PRCD: variants seen among roughly 807,000 people sequenced by gnomAD.
PRCD encodes the protein photoreceptor disc component, also known as photoreceptor disk component PRCD.
Under a neutral mutation model 10.1 loss-of-function variants are expected in PRCD, and 12 were observed. The ratio of observed to expected loss-of-function variants is 1.18; its 90% CI spans 0.76 to 1.92. The LOEUF (loss-of-function observed/expected upper bound fraction) is 1.92, where lower values mean the gene tolerates loss of function less well. Among genes scored for constraint, PRCD ranks in the 40% most tolerant of loss-of-function variants. The pLI, the probability that PRCD is intolerant of heterozygous loss-of-function variation, is 0.00. For missense variants in PRCD, 61 were observed against 72.2 expected, an observed-to-expected ratio of 0.84 and a Z score of 0.56; for synonymous variants, 31 against 26.2, an observed-to-expected ratio of 1.18 and a Z score of -0.56.
chr17:76,547,791 TAC>T (rs906318863), downstream of PRCD, among the ~76,000 whole-genome samples: 8 of 142,576 alleles, frequency 5.6e-5, no homozygotes, highest in African/African-American at 8.0e-5. Context: ...CACACAGACA[TAC>T]ACACATTCAC....
upstream of PRCD, among the ~76,000 whole-genome samples, chr17:76,535,777 C>G (rs2074907158): frequency 6.6e-6 from 1 of 152,242 alleles, no homozygotes; most frequent in Admixed American, 6.5e-5. Flanking sequence ...TCTGCCCTAC[C>G]CTGGTCCCCT....
In PRCD at chr17:76,530,456, T is replaced by C. The variant is rs1345269844; in HGVS notation, n.45+2623T>C. Among the ~76,000 whole-genome samples, 1 of 152,208 alleles carries C rather than the reference T, an allele frequency of 6.6e-6. No homozygotes were observed. ...CGTGTGCGTGTGAGCGACACCCATG[T>C]AGCTTCCTCGTGGGCTGGGGTGTGT... is the stretch of plus-strand genomic sequence containing the variant. On this transcript the variant is annotated intron_variant and non_coding_transcript_variant, in intron 1 of 4. Coordinates refer to the PRCD transcript ENST00000397633. This position sits in a 1 kb window ranked among gnomAD's most constrained non-coding sequence, Gnocchi z 6.1.
Position 76,531,550 on chromosome 17 carries a change from G to T in PRCD, n.45+3717G>T. The T allele has an allele frequency of 2.5e-6, 4 of 1,614,164 alleles. No individual in the cohort carries two copies. The highest frequency in any genetic ancestry group is 3.4e-6 in the Non-Finnish European group (4 of 1,179,986). Reference sequence around the variant, plus strand: ...AGGACACCTTGTCGGGGTCATGCAGGTTCTCCACGACAGTGTTGAGGGCCC... The same window carrying T: ...AGGACACCTTGTCGGGGTCATGCAGTTTCTCCACGACAGTGTTGAGGGCCC... On this transcript the variant is annotated intron_variant and non_coding_transcript_variant, in intron 1 of 4. Transcript: ENST00000397633. The surrounding 1 kb of genome is among the most constrained non-coding windows in gnomAD (Gnocchi z 7.4).
chr17:76,538,156 G>A (rs888096691), upstream of PRCD: 6 of 159,482 alleles, frequency 3.8e-5, no homozygotes, highest in Admixed American at 6.5e-5. Context: ...GAGCTTTCGC[G>A]GCGAGGCCGA....
chr17:76,527,615 A>G (rs2074782823), upstream of PRCD: 2 of 452,936 alleles, frequency 4.4e-6, no homozygotes, highest in South Asian at 3.1e-5. Context: ...GGCCAGGAGG[A>G]GGGTGGGGTG....
At chr17:76,542,657 G>C in intron 3 of PRCD, 24 bp downstream of exon 3, 2 of 1,471,480 alleles carry the variant, frequency 1.4e-6, no homozygotes, top group Non-Finnish European at 1.9e-6. Flanking sequence ...GGGAGCCGGG[G>C]AGGGCAGAGG....
Position 76,528,073 on chromosome 17 carries a change from C to G in PRCD, n.45+240C>G. On this transcript the variant is annotated intron_variant and non_coding_transcript_variant, in intron 1 of 4. Coordinates refer to the PRCD transcript ENST00000397633. The surrounding 1 kb of genome is among the most constrained non-coding windows in gnomAD (Gnocchi z 5.8). ...CTGCCCCACTCACAGGTGGGCCAAACCGAGGCTTCTGGGCGCCGCGGATAC... is the reference window on the plus strand; with the variant it reads ...CTGCCCCACTCACAGGTGGGCCAAAGCGAGGCTTCTGGGCGCCGCGGATAC... 2.7e-6 allele frequency: 1 copy of G among 364,096 alleles called. No homozygotes were observed. The highest frequency in any genetic ancestry group is 5.1e-6 in the Non-Finnish European group (1 of 194,248). 22.6% of individuals were successfully genotyped at this position (364,096 alleles called of 1,614,324 possible).
At position 76,530,137 on chromosome 17, in the gene PRCD, C is replaced by A; in HGVS notation, n.45+2304C>A. 1 of 971,532 alleles carries A rather than the reference C, an allele frequency of 1.0e-6. No individual in the cohort carries two copies. The allele number at this position is 971,532 out of a possible 1,614,324, so 60.2% of individuals were successfully genotyped here. A position where few individuals can be genotyped will look rare whatever the true frequency, so the allele number is the denominator to read the frequency against. On this transcript the variant is annotated intron_variant and non_coding_transcript_variant, in intron 1 of 4. Coordinates refer to the PRCD transcript ENST00000397633. The surrounding 1 kb of genome is among the most constrained non-coding windows in gnomAD (Gnocchi z 6.1). ...CTCTACCACGGGAATGTTTCTCTAC[C>A]ACGCGTGTCCCGGGCTGCTGGCTGA...
At chr17:76,547,959 CACATACACATAA>C (rs937651791), downstream of PRCD, among the ~76,000 whole-genome samples, 17 of 151,682 alleles carry the variant, frequency 1.1e-4, no homozygotes, top group Non-Finnish European at 1.6e-4. Flanking sequence ...CATATACACA[CACATACACATAA>C]ACATACACAT....
chr17:76,529,686 G>C (rs1240230728), intron 1 of PRCD: 1 of 985,308 alleles, frequency 1.0e-6, no homozygotes, highest in Non-Finnish European at 1.2e-6. Flanking sequence ...CTCTTCCCCT[G>C]TCTTTTCCCT....
chr17:76,533,960 G>A lies in PRCD; in HGVS notation n.45+6127G>A, dbSNP rs564578656. 4.1e-4 allele frequency among the ~76,000 whole-genome samples: 63 copies of A among 151,960 alleles called. 2 individuals carry two copies. In the South Asian group the frequency reaches 6.9e-3, roughly 17 times the overall value. On this transcript the variant is annotated intron_variant and non_coding_transcript_variant, in intron 1 of 4. Transcript: ENST00000397633. This position sits in a 1 kb window ranked among gnomAD's most constrained non-coding sequence, Gnocchi z 4.5. ...GCAGGAAGATCCGATCGCATCACGA[G>A]CCCAGGATTGGAGGCTGCCATGAGC...
downstream of PRCD, among the ~76,000 whole-genome samples, chr17:76,549,512 C>T (rs2075087192): frequency 6.6e-6 from 1 of 152,196 alleles, no homozygotes; most frequent in Non-Finnish European, 1.5e-5. Context: ...CCCTGTCATA[C>T]ACGGCTGGGG....
At chr17:76,534,174 C>CTCTCTCTCTCTT (rs1567907867) in intron 1 of PRCD, among the ~76,000 whole-genome samples, 2 of 106,108 alleles carry the variant, frequency 1.9e-5, no homozygotes, top group South Asian at 2.5e-4. Context: ...CTCTCTCTCT[C>CTCTCTCTCTCTT]TCTTTCTTTC....
upstream of PRCD, chr17:76,538,604 A>T: frequency 2.4e-6 from 1 of 416,682 alleles, no homozygotes; most frequent in African/African-American, 2.1e-5. Context: ...GCAGACAAAA[A>T]GTCTTGAGGA....
chr17:76,546,763 C>T (rs183195209), downstream of PRCD: 1 of 152,362 alleles, frequency 6.6e-6, no homozygotes, highest in East Asian at 1.9e-4. The surrounding 1 kb of genome is among the most constrained non-coding windows in gnomAD (Gnocchi z 4.5). Context: ...CACTAACATG[C>T]ATTGGGCGCT....
chr17:76,527,869 A>T (rs752150225), intron 1 of PRCD: 41 of 444,540 alleles, frequency 9.2e-5, no homozygotes, highest in Non-Finnish European at 1.5e-4. Context: ...GGGGGAGCCC[A>T]CTCCTTTCTG....
In PRCD at chr17:76,528,529, C is replaced by T. The variant is rs370895072; in HGVS notation, n.45+696C>T. The T allele has an allele frequency of 3.2e-5, 41 of 1,270,608 alleles. 1 individual carries two copies. The highest frequency in any genetic ancestry group is 3.3e-5 in the Non-Finnish European group (33 of 994,770). 78.7% of individuals were successfully genotyped at this position (1,270,608 alleles called of 1,614,324 possible). ...AGCGTCAAGGAGGGTCTTCAGAACT[C>T]GGCCTTCTGCTCGAGGTGCTGCCAG... On this transcript the variant is annotated intron_variant and non_coding_transcript_variant, in intron 1 of 4. Transcript: ENST00000397633. This position sits in a 1 kb window ranked among gnomAD's most constrained non-coding sequence, Gnocchi z 5.8.
At chr17:76,536,039 CT>C (rs1195458403), upstream of PRCD, among the ~76,000 whole-genome samples, 1 of 152,190 alleles carries the variant, frequency 6.6e-6, no homozygotes, top group Non-Finnish European at 1.5e-5. Context: ...CCACAATGTG[CT>C]TGTGTGGGTG....
Position 76,544,963 on chromosome 17 carries a change from G to A in PRCD, c.*1313G>A, listed in dbSNP as rs111981455. ...CCAGGGATCCATCCAGAGGAAGGGC[G>A]GGAAAAAGAGAGGAAGGGGCTGCTG... On this transcript the variant is annotated 3_prime_UTR_variant, in exon 5 of 5. Coordinates refer to ENST00000592014, the MANE Select transcript of PRCD (RefSeq NM_001077620.3). 2.6e-5 allele frequency: 12 copies of A among 456,574 alleles called. No individual in the cohort carries two copies. The highest frequency in any genetic ancestry group is 3.2e-4 in the Middle Eastern group (1 of 3,088). 28.3% of individuals were successfully genotyped at this position (456,574 alleles called of 1,614,324 possible). A position where few individuals can be genotyped will look rare whatever the true frequency, so the allele number is the denominator to read the frequency against.
Sources: allele counts gnomAD v4.1 joint callset (sites outside exome capture counted in the v4.1 genomes callset), GRCh38; gene constraint gnomAD v4.1.1; non-coding constraint Gnocchi (gnomAD v3.1); transcripts MANE v1.5; gene names NCBI Gene and HGNC (gene_info 2026-07-23, HGNC 2026-07-21).